RPS6KC1: variants seen among roughly 807,000 people sequenced by gnomAD.
The protein encoded by RPS6KC1 is ribosomal protein S6 kinase C1.
RPS6KC1 carries 54 observed loss-of-function variants against 103.8 expected under a neutral mutation model. The observed-to-expected ratio is 0.52, with a 90% CI of 0.42 to 0.65. The LOEUF is 0.65. Among genes scored for constraint, RPS6KC1 ranks in the 30% least tolerant of loss-of-function variants. The pLI, the probability that RPS6KC1 is intolerant of heterozygous loss-of-function variation, is 0.00. For missense variants in RPS6KC1, 1,151 were observed against 1,253.8 expected (o/e 0.92, Z 1.24); for synonymous variants, 439 against 438.7 (o/e 1.00, Z -0.01).
chr1:213,267,682 T>A (rs768046337), intron 14 of RPS6KC1, among the ~76,000 whole-genome samples: 1 of 151,772 alleles, frequency 6.6e-6, no homozygotes, highest in Non-Finnish European at 1.5e-5. Context: ...ATGACAAAAA[T>A]GAATCAACAA....
the RPS6KC1 span, among the ~76,000 whole-genome samples, chr1:213,631,844 A>G: frequency 2.6e-5 from 4 of 152,176 alleles, no homozygotes; most frequent in Admixed American, 2.0e-4. Context: ...AGTATTACAC[A>G]GTAAAATTAG....
the RPS6KC1 span, among the ~76,000 whole-genome samples, chr1:213,452,404 T>A: frequency 6.6e-6 from 1 of 152,236 alleles, no homozygotes; most frequent in Non-Finnish European, 1.5e-5. Flanking sequence ...AATTAAATTT[T>A]GTGACTTGGC....
the RPS6KC1 span, among the ~76,000 whole-genome samples, chr1:213,473,563 T>C: frequency 7.2e-5 from 11 of 152,238 alleles, no homozygotes; most frequent in African/African-American, 2.4e-4. Context: ...GAGATGGGTA[T>C]GGGATTTACT....
At chr1:213,697,032 T>C in the RPS6KC1 span, among the ~76,000 whole-genome samples, 2 of 152,172 alleles carry the variant, frequency 1.3e-5, no homozygotes, top group Non-Finnish European at 2.9e-5. Flanking sequence ...CGCCCCCTCC[T>C]CAGGTTTAAT....
At position 213,241,908 on chromosome 1, in the gene RPS6KC1, C is replaced by G. The variant is rs1417442639; in HGVS notation, c.2432C>G (p.Ala811Gly). 5 of 1,613,870 alleles carry G rather than the reference C, an allele frequency of 3.1e-6. No individual in the cohort carries two copies. In the African/African-American group the frequency reaches 6.7e-5, roughly 22 times the overall value. The change falls in exon 11 of 15, where the codon GCA becomes GGA. Residue 811 changes from alanine to glycine, a missense_variant. Ala to Gly is a moderately conservative substitution (Grantham distance 60, BLOSUM62 0). This residue lies in a region of RPS6KC1 where 959 missense variants were observed against 1,006.3 expected (regional missense o/e 0.95). Coordinates refer to ENST00000366960, the MANE Select transcript of RPS6KC1 (RefSeq NM_012424.6). ...GGAGTGGTTGAGTCAGCAGTAACTG[C>G]AAACAACACAGAAGAAAGCTTATTC... ...GLGVVESAVT[A>G]NNTEESLFRI...
the RPS6KC1 span, among the ~76,000 whole-genome samples, chr1:213,583,475 T>C: frequency 7.2e-5 from 11 of 152,294 alleles, no homozygotes; most frequent in South Asian, 6.2e-4. Flanking sequence ...GGACACCATA[T>C]AGATTTGCAA....
intron 3 of RPS6KC1, among the ~76,000 whole-genome samples, chr1:213,086,420 G>T (rs1449737983): frequency 1.3e-5 from 2 of 152,198 alleles, no homozygotes; most frequent in African/African-American, 4.8e-5. Flanking sequence ...TATTAGAACA[G>T]CTATGTCAGG....
chr1:213,104,198 AG>A (rs2082263932), intron 3 of RPS6KC1, among the ~76,000 whole-genome samples: 1 of 152,224 alleles, frequency 6.6e-6, no homozygotes, highest in African/African-American at 2.4e-5. Context: ...TTAAATTGAC[AG>A]GCTCTAAATT....
At chr1:213,748,374 G>T in the RPS6KC1 span, among the ~76,000 whole-genome samples, 1 of 152,344 alleles carries the variant, frequency 6.6e-6, no homozygotes, top group East Asian at 1.9e-4. Context: ...GTGGGGTAAA[G>T]TCTGGAATGA....
chr1:213,152,317 CGGGCAGGGGGCT>C (rs2089219912), intron 6 of RPS6KC1, among the ~76,000 whole-genome samples: 1 of 147,050 alleles, frequency 6.8e-6, no homozygotes, highest in South Asian at 2.2e-4. Context: ...GGCGGCTGGC[CGGGCAGGGGGCT>C]GACCCCCCCC....
At chr1:213,479,722 A>G in the RPS6KC1 span, among the ~76,000 whole-genome samples, 1 of 152,016 alleles carries the variant, frequency 6.6e-6, no homozygotes, top group South Asian at 2.1e-4. Flanking sequence ...TGAATTCACA[A>G]AGATGTTCTT....
At chr1:213,456,734 G>C in the RPS6KC1 span, among the ~76,000 whole-genome samples, 2 of 152,134 alleles carry the variant, frequency 1.3e-5, no homozygotes, top group Non-Finnish European at 2.9e-5. Flanking sequence ...CACTTAAATA[G>C]ACCATAATAA....
the RPS6KC1 span, among the ~76,000 whole-genome samples, chr1:213,761,868 G>T: frequency 6.6e-6 from 1 of 152,184 alleles, no homozygotes; most frequent in African/African-American, 2.4e-5. Flanking sequence ...TTATTAGAGG[G>T]ATGGAACCAT....
At chr1:213,387,246 A>G in the RPS6KC1 span, among the ~76,000 whole-genome samples, 2 of 152,230 alleles carry the variant, frequency 1.3e-5, no homozygotes, top group Non-Finnish European at 2.9e-5. Context: ...ACCGACTCAT[A>G]TTTGAGGGAA....
the RPS6KC1 span, among the ~76,000 whole-genome samples, chr1:213,286,307 G>T: frequency 6.6e-6 from 1 of 152,130 alleles, no homozygotes; most frequent in East Asian, 1.9e-4. Flanking sequence ...TATTCTAAAA[G>T]AAATTAGGGC....
chr1:213,172,886 T>G (rs1313738377), intron 7 of RPS6KC1, among the ~76,000 whole-genome samples: 1 of 152,212 alleles, frequency 6.6e-6, no homozygotes, highest in Non-Finnish European at 1.5e-5. Flanking sequence ...CTAATAAATG[T>G]AAGTGAAAAT....
the RPS6KC1 span, among the ~76,000 whole-genome samples, chr1:213,564,471 CTGTTT>C: frequency 6.6e-6 from 1 of 152,146 alleles, no homozygotes; most frequent in African/African-American, 2.4e-5. Context: ...TTCTGGTATT[CTGTTT>C]TATAGTTCAG....
At chr1:213,140,398 C>T (rs2086871309) in intron 6 of RPS6KC1, among the ~76,000 whole-genome samples, 1 of 152,042 alleles carries the variant, frequency 6.6e-6, no homozygotes, top group Non-Finnish European at 1.5e-5. Context: ...TGAGAGATGG[C>T]ATCTTTGTCT....
At chr1:213,660,855 A>G in the RPS6KC1 span, among the ~76,000 whole-genome samples, 1 of 152,190 alleles carries the variant, frequency 6.6e-6, no homozygotes, top group Non-Finnish European at 1.5e-5. Flanking sequence ...CAATGGAACA[A>G]ATCCTTCCCA....
Sources: gnomAD v4.1 joint callset for allele counts (sites outside exome capture counted in the v4.1 genomes callset) on GRCh38, gnomAD v4.1.1 for gene constraint, gnomAD v4.1.1 regional missense constraint, MANE v1.5 for transcripts, NCBI Gene and HGNC (gene_info 2026-07-23, HGNC 2026-07-21) for gene names.